Variants in CHST9 observed in about 807,000 individuals in gnomAD.
CHST9 encodes carbohydrate sulfotransferase 9, also known as GalNAc-4-sulfotransferase 2.
In CHST9, 41 loss-of-function variants were observed where a neutral mutation model predicts 44.4. The ratio of observed to expected loss-of-function variants is 0.92; its 90% CI spans 0.72 to 1.20. The LOEUF (loss-of-function observed/expected upper bound fraction) is 1.20. Among genes scored for constraint, CHST9 ranks in the 50% most tolerant of loss-of-function variants. The probability of loss-of-function intolerance (pLI) is 0.00; values close to 1 mark genes in which losing one functional copy is unlikely to be tolerated. For synonymous variants in CHST9, 171 were observed against 178.4 expected (o/e 0.96, Z 0.33); for missense variants, 504 against 516.5 (o/e 0.98, Z 0.23).
At chr18:27,092,413 T>G (rs1389530609) in intron 2 of CHST9, among the ~76,000 whole-genome samples, 3 of 152,160 alleles carry the variant, frequency 2.0e-5, no homozygotes, top group Non-Finnish European at 4.4e-5. Context: ...TTCATTGTTT[T>G]TTTTTGAAGA....
chr18:27,048,586 A>G (rs2057531660), intron 2 of CHST9, 83 bp from the exon 3 acceptor site: 4 of 1,133,004 alleles, frequency 3.5e-6, no homozygotes, highest in Non-Finnish European at 2.6e-6. Context: ...GTTTACAGCA[A>G]TTTCCAAACA....
chr18:27,000,669 TATTA>T (rs1381680220), intron 4 of CHST9, among the ~76,000 whole-genome samples: 1 of 152,040 alleles, frequency 6.6e-6, no homozygotes, highest in East Asian at 1.9e-4. Flanking sequence ...TCTATCTATC[TATTA>T]TTCTATCTAT....
At chr18:26,944,435 GCT>G in intron 4 of CHST9, 69 bp from the exon 5 acceptor site, 1 of 1,123,206 alleles carries the variant, frequency 8.9e-7, no homozygotes. Context: ...TACTGATGCT[GCT>G]CTGTTTACAG....
At chr18:27,145,304 G>C (rs1023174412) in intron 1 of CHST9, among the ~76,000 whole-genome samples, 1 of 152,090 alleles carries the variant, frequency 6.6e-6, no homozygotes, top group Non-Finnish European at 1.5e-5. Flanking sequence ...CGATTTTCCT[G>C]CCTCAGCCTC....
intron 4 of CHST9, among the ~76,000 whole-genome samples, chr18:27,015,378 C>T (rs1476819988): frequency 2.0e-5 from 3 of 148,118 alleles, no homozygotes; most frequent in Non-Finnish European, 3.0e-5. Flanking sequence ...ACGCATCCTT[C>T]GGAGAGTGTG....
intron 2 of CHST9, among the ~76,000 whole-genome samples, chr18:27,128,653 A>G (rs527351542): frequency 1.2e-4 from 19 of 152,344 alleles, no homozygotes; most frequent in African/African-American, 2.9e-4. Context: ...GCCAGTCCAT[A>G]TATCTACTTA....
chr18:27,112,358 C>T (rs141305026), intron 2 of CHST9, among the ~76,000 whole-genome samples: 56 of 151,114 alleles, frequency 3.7e-4, no homozygotes, highest in South Asian at 6.2e-4. Flanking sequence ...GGGATGGGAC[C>T]GCAGTCTAAA....
At chr18:27,177,438 T>C (rs1211999242) in intron 1 of CHST9, among the ~76,000 whole-genome samples, 1 of 151,492 alleles carries the variant, frequency 6.6e-6, no homozygotes, top group Non-Finnish European at 1.5e-5. Flanking sequence ...TTTAATTCCA[T>C]CTGTGAAAAG....
At chr18:27,103,462 C>T (rs1036971757) in intron 2 of CHST9, among the ~76,000 whole-genome samples, 1 of 152,180 alleles carries the variant, frequency 6.6e-6, no homozygotes, top group African/African-American at 2.4e-5. Context: ...CCTCCACAAA[C>T]TCCTAAGACT....
At chr18:26,935,829 T>G (rs1326752307) in intron 5 of CHST9, 2 of 152,220 alleles carry the variant, frequency 1.3e-5, no homozygotes, top group East Asian at 3.8e-4. Flanking sequence ...ACTGGTACTC[T>G]GAATTTTCAC....
chr18:27,112,421 A>AT (rs778812837), intron 2 of CHST9, among the ~76,000 whole-genome samples: 41 of 151,824 alleles, frequency 2.7e-4, no homozygotes, highest in Non-Finnish European at 5.0e-4. Context: ...CTTGAGGGTA[A>AT]TTTTATACAA....
chr18:26,920,693 AC>A (rs2055634255), intron 5 of CHST9, among the ~76,000 whole-genome samples: 1 of 152,234 alleles, frequency 6.6e-6, no homozygotes, highest in Admixed American at 6.5e-5. Flanking sequence ...TTGAAGAAAA[AC>A]AACATTGACC....
At chr18:27,168,077 A>T (rs867369067) in intron 1 of CHST9, among the ~76,000 whole-genome samples, 19 of 140,142 alleles carry the variant, frequency 1.4e-4, no homozygotes, top group Middle Eastern at 3.8e-3. Context: ...GATTATACCT[A>T]TTTTTTTTTT....
At chr18:27,177,177 T>C (rs1056811204) in intron 1 of CHST9, among the ~76,000 whole-genome samples, 8 of 152,008 alleles carry the variant, frequency 5.3e-5, no homozygotes, top group African/African-American at 1.9e-4. Context: ...CCAAAAAATG[T>C]CACTAACACC....
At chr18:27,060,300 G>A (rs1047691059) in intron 2 of CHST9, among the ~76,000 whole-genome samples, 2 of 152,186 alleles carry the variant, frequency 1.3e-5, no homozygotes, top group African/African-American at 4.8e-5. Context: ...TAATAATAGA[G>A]ACATGGAGGA....
At chr18:26,980,079 G>T (rs1255552219) in intron 4 of CHST9, among the ~76,000 whole-genome samples, 1 of 152,030 alleles carries the variant, frequency 6.6e-6, no homozygotes, top group Non-Finnish European at 1.5e-5. Context: ...ACTACATTAA[G>T]ACAGGATGGA....
chr18:27,154,259 A>C (rs560756518), intron 1 of CHST9, among the ~76,000 whole-genome samples: 1 of 152,114 alleles, frequency 6.6e-6, no homozygotes, highest in Non-Finnish European at 1.5e-5. Flanking sequence ...TACTACTCTA[A>C]GCATTTTATA....
At chr18:27,162,643 T>G (rs1598770523) in intron 1 of CHST9, among the ~76,000 whole-genome samples, 1 of 152,240 alleles carries the variant, frequency 6.6e-6, no homozygotes, top group East Asian at 1.9e-4. Flanking sequence ...TTCCTGAAAC[T>G]GAAAGTTGGC....
chr18:27,030,047 A>G (rs1446554944), intron 3 of CHST9, among the ~76,000 whole-genome samples: 1 of 152,194 alleles, frequency 6.6e-6, no homozygotes, highest in Non-Finnish European at 1.5e-5. Context: ...GGTATTAATG[A>G]TTTCAGTTTA....
Sources: gnomAD v4.1 joint callset for allele counts (sites outside exome capture counted in the v4.1 genomes callset) on GRCh38, gnomAD v4.1.1 for gene constraint, MANE v1.5 for transcripts, NCBI Gene and HGNC (gene_info 2026-07-23, HGNC 2026-07-21) for gene names.